CLEC17A: variants seen among roughly 807,000 people sequenced by gnomAD.
CLEC17A encodes C-type lectin domain containing 17A, also known as C-type lectin domain family 17, member A.
Under a neutral mutation model 61.3 loss-of-function variants are expected in CLEC17A, and 37 were observed. The observed-to-expected ratio is 0.60, with a 90% CI of 0.46 to 0.79. The LOEUF is 0.79. Among genes scored for constraint, CLEC17A ranks in the 30% least tolerant of loss-of-function variants. The probability of loss-of-function intolerance (pLI) is 0.00; values close to 1 mark genes in which losing one functional copy is unlikely to be tolerated. For missense variants in CLEC17A, 418 were observed against 464.7 expected (o/e 0.90, Z 0.92); for synonymous variants, 168 against 164.9 (o/e 1.02, Z -0.14).
intron 12 of CLEC17A, among the ~76,000 whole-genome samples, chr19:14,604,230 G>C (rs2074795592): frequency 6.6e-6 from 1 of 152,116 alleles, no homozygotes; most frequent in South Asian, 2.1e-4. Context: ...CTGCTTTTTA[G>C]AGTCTCCAAA....
At chr19:14,583,259 C>T (rs1329022038) in intron 1 of CLEC17A, 56 bp downstream of exon 1, 1 of 1,613,258 alleles carries the variant, frequency 6.2e-7, no homozygotes, top group Non-Finnish European at 8.5e-7. Flanking sequence ...ACCCAGGGTA[C>T]AGAATCCCCA....
At chr19:14,608,635 T>A (rs1004065361) in intron 13 of CLEC17A, among the ~76,000 whole-genome samples, 4 of 146,820 alleles carry the variant, frequency 2.7e-5, no homozygotes, top group Non-Finnish European at 4.5e-5. Flanking sequence ...AGAATTTTTT[T>A]TTTTTTTTTT....
Position 14,610,864 on chromosome 19 carries a change from G to A in CLEC17A, c.*668G>A, listed in dbSNP as rs929189994. 6.6e-6 allele frequency: 1 copy of A among 152,080 alleles called. No individual in the cohort carries two copies. The highest frequency in any genetic ancestry group is 1.5e-5 in the Non-Finnish European group (1 of 68,068). The allele number at this position is 152,080 out of a possible 1,614,324, so 9.4% of individuals were successfully genotyped here. ...TTTTATAGAGATGAGGTCTCACTCTGTTGCCGAGGCTGGTCTCAAACTCCT... is the reference window on the plus strand; with the variant it reads ...TTTTATAGAGATGAGGTCTCACTCTATTGCCGAGGCTGGTCTCAAACTCCT... On this transcript the variant is annotated 3_prime_UTR_variant, in exon 14 of 14. Coordinates refer to ENST00000417570, the MANE Select transcript of CLEC17A (RefSeq NM_001204118.2).
intron 12 of CLEC17A, among the ~76,000 whole-genome samples, chr19:14,606,190 G>T (rs976875809): frequency 2.6e-5 from 4 of 152,002 alleles, no homozygotes; most frequent in South Asian, 2.1e-4. Context: ...AGTTACTATT[G>T]CTAAAAATGT....
intron 12 of CLEC17A, among the ~76,000 whole-genome samples, chr19:14,606,374 C>CAAAAAA (rs35346403): frequency 1.1e-5 from 1 of 94,728 alleles, no homozygotes. Flanking sequence ...GACCCTGTCT[C>CAAAAAA]AAAAAAAAAA....
At chr19:14,604,666 G>T (rs1001828995) in intron 12 of CLEC17A, among the ~76,000 whole-genome samples, 16 of 151,824 alleles carry the variant, frequency 1.1e-4, no homozygotes, top group Admixed American at 7.9e-4. Context: ...AGGAGGCTGA[G>T]GCAGGAAAAT....
At chr19:14,603,732 C>T (rs920353084) in intron 12 of CLEC17A, among the ~76,000 whole-genome samples, 4 of 152,076 alleles carry the variant, frequency 2.6e-5, no homozygotes, top group South Asian at 2.1e-4. Context: ...TCCCGAAGTG[C>T]CGGGATTACA....
rs191476262 is a variant in CLEC17A, at chr19:14,596,303, A to T, written c.446-573A>T. 2.0e-3 allele frequency among the ~76,000 whole-genome samples: 301 copies of T among 152,174 alleles called. 2 individuals carry two copies. The highest frequency in any genetic ancestry group is 6.7e-3 in the African/African-American group (278 of 41,500). On this transcript the variant is annotated intron_variant, in intron 8 of 13. Transcript: ENST00000417570. ...TTGCAAAATGGGAATAATGCTTATA[A>T]CCTACATCATAAGGATGAGACTCCA...
rs770141850 is a variant in CLEC17A at position 14,583,327 on chromosome 19, C to T, written c.44-30C>T. On this transcript the variant is annotated intron_variant, in intron 1 of 13. Coordinates refer to ENST00000417570, the MANE Select transcript of CLEC17A (RefSeq NM_001204118.2). ...GAGGGATGGAGGGAGGAGGGAATGG[C>T]TGGGCTCTGACTTGCCTTTCCCCTG... 9 of 1,606,394 alleles carry T rather than the reference C, an allele frequency of 5.6e-6. No homozygotes were observed. In the East Asian group the frequency reaches 1.1e-4, roughly 20 times the overall value.
At chr19:14,607,405 G>A (rs370287142) in intron 13 of CLEC17A, among the ~76,000 whole-genome samples, 99 of 151,430 alleles carry the variant, frequency 6.5e-4, no homozygotes, top group East Asian at 2.4e-3. Context: ...GGGTTTCACC[G>A]TGTTAGCCAG....
chr19:14,601,426 A>G (rs149439500), intron 12 of CLEC17A, among the ~76,000 whole-genome samples: 161 of 152,296 alleles, frequency 1.1e-3, no homozygotes, highest in Non-Finnish European at 1.6e-3. Flanking sequence ...ATTTGCTACT[A>G]CAATTTAGGT....
At chr19:14,586,588 G>T (rs1046503130) in intron 2 of CLEC17A, among the ~76,000 whole-genome samples, 2 of 138,158 alleles carry the variant, frequency 1.4e-5, no homozygotes, top group African/African-American at 6.9e-5. Flanking sequence ...TGCCTGGATG[G>T]TTTTTTCTAA....
chr19:14,600,018 G>T lies in CLEC17A; in HGVS notation c.743-13G>T. 4 of 1,613,248 alleles carry T rather than the reference G, an allele frequency of 2.5e-6. No homozygotes were observed. The highest frequency in any genetic ancestry group is 2.5e-6 in the Non-Finnish European group (3 of 1,179,558). On this transcript the variant is annotated splice_polypyrimidine_tract_variant and intron_variant, in intron 11 of 13. Transcript: ENST00000417570. ...TCTGGGGCCATCCTGACAGCATTCT[G>T]TCTGGTTCCCAGACTGCCGCCGAAT...
At chr19:14,595,493 T>A (rs1342308502) in intron 8 of CLEC17A, among the ~76,000 whole-genome samples, 178 bp downstream of exon 8, 1 of 152,242 alleles carries the variant, frequency 6.6e-6, no homozygotes, top group Non-Finnish European at 1.5e-5. Flanking sequence ...AAGCCATTCC[T>A]TGACATCAGA....
upstream of CLEC17A, among the ~76,000 whole-genome samples, chr19:14,582,022 C>G (rs180686860): frequency 6.6e-6 from 1 of 152,284 alleles, no homozygotes; most frequent in Admixed American, 6.5e-5. Context: ...TGTTCATGGG[C>G]TGGGCCATGC....
rs796835309 is a variant in CLEC17A at position 14,599,079 on chromosome 19, C to CTTTTTTTTTTTTTTT, written c.647-626_647-612dup. Among the ~76,000 whole-genome samples the CTTTTTTTTTTTTTTT allele has an allele frequency of 1.1e-4, 6 of 56,944 alleles. 2 individuals are homozygous for CTTTTTTTTTTTTTTT. The highest frequency in any genetic ancestry group is 2.0e-4 in the Non-Finnish European group (6 of 30,502). 37.4% of individuals were successfully genotyped at this position (56,944 alleles called of 152,430 possible). Reference sequence around the variant, plus strand: ...CAACATACTTGCCTCTGTATCTTTGCTTTTTTTTTTTTTTTTTTTTTTTTT... The same window carrying CTTTTTTTTTTTTTTT: ...CAACATACTTGCCTCTGTATCTTTGCTTTTTTTTTTTTTTTTTTTTTTTTTTTTTTTTTTTTTTTT... On this transcript the variant is annotated intron_variant, in intron 10 of 13. Coordinates refer to ENST00000417570, the MANE Select transcript of CLEC17A (RefSeq NM_001204118.2).
intron 3 of CLEC17A, among the ~76,000 whole-genome samples, chr19:14,591,496 G>T (rs2074417242): frequency 6.6e-6 from 1 of 151,226 alleles, no homozygotes; most frequent in Non-Finnish European, 1.5e-5. Flanking sequence ...CCAGGCTGGA[G>T]TGCAGTGGCG....
Position 14,587,263 on chromosome 19 carries a change from T to TG in CLEC17A, c.122-351_122-350insG, listed in dbSNP as rs71733825. Among the ~76,000 whole-genome samples, 1,137 of 136,616 alleles carry TG rather than the reference T, an allele frequency of 8.3e-3. 22 individuals are homozygous for TG. The highest frequency in any genetic ancestry group is 0.03 in the African/African-American group (1,043 of 34,608). 89.6% of individuals were successfully genotyped at this position (136,616 alleles called of 152,430 possible). ...TGTGTGTGTGTGTGTGTGTGTGTGT[T>TG]TGTGTTTGTGTGAGGTCTGGGGGCT... On this transcript the variant is annotated intron_variant, in intron 2 of 13. Coordinates refer to ENST00000417570, the MANE Select transcript of CLEC17A (RefSeq NM_001204118.2).
intron 3 of CLEC17A, among the ~76,000 whole-genome samples, chr19:14,591,756 G>A (rs1446096783): frequency 1.3e-5 from 2 of 151,480 alleles, no homozygotes; most frequent in Non-Finnish European, 2.9e-5. Context: ...GTTTCGCCAT[G>A]TTGGTTGCCC....
Sources: gnomAD v4.1 joint callset for allele counts (sites outside exome capture counted in the v4.1 genomes callset) on GRCh38, gnomAD v4.1.1 for gene constraint, MANE v1.5 for transcripts, NCBI Gene and HGNC (gene_info 2026-07-23, HGNC 2026-07-21) for gene names.